The following OCA2 variants were observed in gnomAD, a reference collection of about 807,000 sequenced individuals.
OCA2 encodes the protein OCA2 melanosomal transmembrane protein.
In OCA2, 77 loss-of-function variants were observed where a neutral mutation model predicts 100.2. The observed-to-expected ratio is 0.77, with a 90% CI of 0.64 to 0.93. OCA2 has a LOEUF of 0.93. Ranked by LOEUF, OCA2 falls within the 40% of genes least tolerant of loss-of-function variation. OCA2 has a pLI of 0.00. For missense variants in OCA2, 1,062 were observed against 1,089.1 expected, an observed-to-expected ratio of 0.98 and a Z score of 0.35; for synonymous variants, 432 against 439.2, an observed-to-expected ratio of 0.98 and a Z score of 0.21.
intron 18 of OCA2, among the ~76,000 whole-genome samples, chr15:27,947,301 ACTG>A (rs2039873457): frequency 6.6e-6 from 1 of 152,232 alleles, no homozygotes; most frequent in African/African-American, 2.4e-5. Context: ...TCATGCAGGC[ACTG>A]CAGACCTCTG....
chr15:27,955,034 T>C, intron 17 of OCA2, 124 bp downstream of exon 17: 1 of 799,460 alleles, frequency 1.3e-6, no homozygotes, highest in Non-Finnish European at 2.2e-6. Context: ...CCTCAACGTC[T>C]TGTGTATAAC....
chr15:27,842,379 C>T (rs940725602), intron 23 of OCA2, among the ~76,000 whole-genome samples: 1 of 152,186 alleles, frequency 6.6e-6, no homozygotes, highest in Non-Finnish European at 1.5e-5. Context: ...CCATTAAATA[C>T]TTATCTACAT....
At chr15:27,961,332 T>A (rs2040404716) in intron 15 of OCA2, among the ~76,000 whole-genome samples, 1 of 152,172 alleles carries the variant, frequency 6.6e-6, no homozygotes, top group Admixed American at 6.5e-5. Flanking sequence ...GAAATAGGAA[T>A]GCTTTTACAC....
At chr15:27,920,484 T>C (rs1023981084) in intron 19 of OCA2, among the ~76,000 whole-genome samples, 1 of 152,120 alleles carries the variant, frequency 6.6e-6, no homozygotes, top group East Asian at 1.9e-4. Flanking sequence ...ATTTCTAATT[T>C]TTTACAAAAA....
chr15:28,078,409 C>T (rs1326975815), intron 2 of OCA2, among the ~76,000 whole-genome samples: 2 of 152,334 alleles, frequency 1.3e-5, no homozygotes, highest in East Asian at 3.9e-4. Flanking sequence ...CTAGTAGTGA[C>T]TGGCTTCTAA....
chr15:27,780,076 A>C (rs7182120), intron 23 of OCA2, among the ~76,000 whole-genome samples: 1 of 152,082 alleles, frequency 6.6e-6, no homozygotes, highest in African/African-American at 2.4e-5. Context: ...GCATGACTGA[A>C]AGCAGAGTTC....
At chr15:27,751,519 T>C (rs2030063752), downstream of OCA2, among the ~76,000 whole-genome samples, 3 of 152,214 alleles carry the variant, frequency 2.0e-5, no homozygotes, top group African/African-American at 7.2e-5. Flanking sequence ...ACTTTTAATT[T>C]CGAAGGCAGC....
chr15:27,770,113 AAATAC>A (rs1214316549), intron 23 of OCA2, among the ~76,000 whole-genome samples: 1 of 152,190 alleles, frequency 6.6e-6, no homozygotes, highest in Non-Finnish European at 1.5e-5. Context: ...CCAAGCATGG[AAATAC>A]AATATCCCAA....
chr15:28,093,435 AAAAAG>A (rs2044907038), intron 1 of OCA2, among the ~76,000 whole-genome samples: 1 of 152,072 alleles, frequency 6.6e-6, no homozygotes, highest in Non-Finnish European at 1.5e-5. Flanking sequence ...GAAAGAAAGA[AAAAAG>A]AAAACAGAGA....
chr15:27,727,509 G>A, the OCA2 span, among the ~76,000 whole-genome samples: 5 of 152,184 alleles, frequency 3.3e-5, no homozygotes, highest in Middle Eastern at 3.2e-3. Context: ...TGTAAAGCAC[G>A]GAGATTTTAG....
chr15:27,732,648 G>C, the OCA2 span, among the ~76,000 whole-genome samples: 1 of 152,152 alleles, frequency 6.6e-6, no homozygotes, highest in Non-Finnish European at 1.5e-5. Context: ...TGCAGGCTGG[G>C]TTCTCCCTTG....
At chr15:27,774,193 T>C (rs2032053177) in intron 23 of OCA2, among the ~76,000 whole-genome samples, 1 of 152,204 alleles carries the variant, frequency 6.6e-6, no homozygotes, top group Non-Finnish European at 1.5e-5. Flanking sequence ...ATCTGTTCAC[T>C]GAATGCTGGT....
At chr15:27,872,221 T>C (rs1260755449) in intron 19 of OCA2, among the ~76,000 whole-genome samples, 5 of 152,256 alleles carry the variant, frequency 3.3e-5, no homozygotes, top group African/African-American at 1.2e-4. Context: ...TGTATAAAGA[T>C]ACTGTTCAAT....
intron 23 of OCA2, among the ~76,000 whole-genome samples, chr15:27,788,817 T>C (rs895552497): frequency 2.2e-4 from 34 of 152,258 alleles, no homozygotes; most frequent in African/African-American, 7.9e-4. Context: ...TTATGTTAAA[T>C]AGATGTTTTC....
intron 8 of OCA2, 100 bp from the exon 9 acceptor site, chr15:28,015,029 T>C: frequency 7.9e-7 from 1 of 1,268,788 alleles, no homozygotes; most frequent in South Asian, 1.3e-5. Context: ...AATGGAACAA[T>C]TCAGCCCAAC....
At chr15:28,061,932 T>C (rs1026035320) in intron 2 of OCA2, among the ~76,000 whole-genome samples, 11 of 152,268 alleles carry the variant, frequency 7.2e-5, no homozygotes, top group Admixed American at 7.2e-4. Context: ...TATGTTCTGT[T>C]GTATGGATAT....
At chr15:27,891,374 C>T (rs2037453952) in intron 19 of OCA2, among the ~76,000 whole-genome samples, 1 of 151,932 alleles carries the variant, frequency 6.6e-6, no homozygotes, top group South Asian at 2.1e-4. Flanking sequence ...AAAATCAAGA[C>T]AAAAGAAACA....
chr15:27,889,965 A>G (rs2037387780), intron 19 of OCA2, among the ~76,000 whole-genome samples: 1 of 152,222 alleles, frequency 6.6e-6, no homozygotes, highest in African/African-American at 2.4e-5. Context: ...TGAAGGCTGG[A>G]AGTCCAAGAT....
At chr15:27,739,040 C>G in the OCA2 span, among the ~76,000 whole-genome samples, 4 of 152,292 alleles carry the variant, frequency 2.6e-5, no homozygotes, top group East Asian at 7.7e-4. Context: ...GACTCAGTGG[C>G]GGAACCAGGG....
Sources: gnomAD v4.1 joint callset for allele counts (sites outside exome capture counted in the v4.1 genomes callset) on GRCh38, gnomAD v4.1.1 for gene constraint, MANE v1.5 for transcripts, NCBI Gene and HGNC (gene_info 2026-07-23, HGNC 2026-07-21) for gene names.